TMEM232: variants seen among roughly 807,000 people sequenced by gnomAD.
TMEM232 encodes transmembrane protein 232.
Under a neutral mutation model 78.8 loss-of-function variants are expected in TMEM232, and 80 were observed. The ratio of observed to expected loss-of-function variants is 1.01; its 90% CI spans 0.85 to 1.22. The LOEUF (loss-of-function observed/expected upper bound fraction) is 1.22, where lower values mean the gene tolerates loss of function less well. Ranked by LOEUF, TMEM232 falls within the 50% of genes most tolerant of loss-of-function variation. The pLI, the probability that TMEM232 is intolerant of heterozygous loss-of-function variation, is 0.00. For synonymous variants in TMEM232, 297 were observed against 254.3 expected, an observed-to-expected ratio of 1.17 and a Z score of -1.60; for missense variants, 881 against 742.2, an observed-to-expected ratio of 1.19 and a Z score of -2.17.
chr5:110,701,019 T>C (rs995585272), intron 1 of TMEM232, among the ~76,000 whole-genome samples: 2 of 151,908 alleles, frequency 1.3e-5, no homozygotes, highest in African/African-American at 2.4e-5. Flanking sequence ...ATGAATACCA[T>C]TCTTTCCTTT....
intron 5 of TMEM232, among the ~76,000 whole-genome samples, chr5:110,630,460 G>A (rs1009091924): frequency 2.6e-5 from 4 of 152,170 alleles, no homozygotes; most frequent in Non-Finnish European, 5.9e-5. Flanking sequence ...ACATGTCGGG[G>A]GAGGGGCCCA....
At chr5:110,685,780 G>A (rs1317064857) in intron 1 of TMEM232, among the ~76,000 whole-genome samples, 1 of 152,070 alleles carries the variant, frequency 6.6e-6, no homozygotes, top group Non-Finnish European at 1.5e-5. Flanking sequence ...ACAATTTGTG[G>A]TATGTTTATA....
At chr5:110,441,725 AG>A (rs1295697630) in intron 12 of TMEM232, among the ~76,000 whole-genome samples, 2 of 152,206 alleles carry the variant, frequency 1.3e-5, no homozygotes, top group Non-Finnish European at 2.9e-5. Context: ...CAATGGAATG[AG>A]GATGGACTTT....
At chr5:110,496,078 T>C (rs1765608063) in intron 12 of TMEM232, among the ~76,000 whole-genome samples, 1 of 151,820 alleles carries the variant, frequency 6.6e-6, no homozygotes, top group Non-Finnish European at 1.5e-5. Context: ...AATCACAAAA[T>C]TATAATAAAA....
At chr5:110,576,945 T>C (rs1777639024) in intron 10 of TMEM232, among the ~76,000 whole-genome samples, 7 of 152,024 alleles carry the variant, frequency 4.6e-5, no homozygotes, top group Admixed American at 4.6e-4. Flanking sequence ...GGAGACAACC[T>C]AGGCAATACT....
intron 1 of TMEM232, among the ~76,000 whole-genome samples, chr5:110,677,914 T>C (rs1792230327): frequency 6.6e-6 from 1 of 152,206 alleles, no homozygotes; most frequent in Admixed American, 6.5e-5. Context: ...CGTTAGTTCA[T>C]GCAAAGAATA....
At chr5:110,543,864 A>G (rs1048016450) in intron 11 of TMEM232, among the ~76,000 whole-genome samples, 1 of 152,204 alleles carries the variant, frequency 6.6e-6, no homozygotes, top group African/African-American at 2.4e-5. Context: ...TTATACTTCT[A>G]GAGTCGTCTT....
At chr5:110,662,211 C>A in intron 2 of TMEM232, among the ~76,000 whole-genome samples, 1 of 151,990 alleles carries the variant, frequency 6.6e-6, no homozygotes, top group East Asian at 1.9e-4. Context: ...TTTTAGAAAT[C>A]TATATATGCA....
chr5:110,600,053 T>C (rs1173395119), intron 10 of TMEM232, among the ~76,000 whole-genome samples: 1 of 152,174 alleles, frequency 6.6e-6, no homozygotes, highest in East Asian at 1.9e-4. Context: ...AACCTGCTCC[T>C]GGATGACTAC....
chr5:110,552,726 C>T (rs2149620488), intron 11 of TMEM232, among the ~76,000 whole-genome samples: 1 of 152,182 alleles, frequency 6.6e-6, no homozygotes, highest in East Asian at 1.9e-4. Context: ...TTTAAATCTT[C>T]ATACACTTAA....
chr5:110,634,639 GT>G (rs1785564955), intron 5 of TMEM232, among the ~76,000 whole-genome samples: 1 of 151,484 alleles, frequency 6.6e-6, no homozygotes, highest in Non-Finnish European at 1.5e-5. Context: ...AAAAAAAAAA[GT>G]TTTGAAACAA....
chr5:110,590,946 C>T (rs1197272258), intron 10 of TMEM232, among the ~76,000 whole-genome samples: 4 of 152,000 alleles, frequency 2.6e-5, no homozygotes, highest in East Asian at 1.9e-4. Context: ...TGAGGGAAAC[C>T]GTCCTCATGA....
chr5:110,620,724 G>C (rs1313109168), intron 7 of TMEM232, among the ~76,000 whole-genome samples: 3 of 146,968 alleles, frequency 2.0e-5, no homozygotes, highest in African/African-American at 7.6e-5. Flanking sequence ...ATGTCTAATT[G>C]CAGATGTGCT....
At chr5:110,674,648 C>A (rs948526060) in intron 1 of TMEM232, among the ~76,000 whole-genome samples, 3 of 152,176 alleles carry the variant, frequency 2.0e-5, no homozygotes, top group Non-Finnish European at 4.4e-5. Flanking sequence ...TAGCCAATAG[C>A]ACTTTATATT....
intron 12 of TMEM232, among the ~76,000 whole-genome samples, chr5:110,526,566 G>A (rs2149521545): frequency 6.6e-6 from 1 of 152,004 alleles, no homozygotes; most frequent in East Asian, 1.9e-4. Flanking sequence ...CCTCCGTTGG[G>A]AAGACTAAAG....
chr5:110,422,519 CAAAAAAAAAAA>C (rs34448955), intron 13 of TMEM232, among the ~76,000 whole-genome samples: 12 of 34,548 alleles, frequency 3.5e-4, no homozygotes, highest in Admixed American at 7.9e-4. Context: ...GACTCTGTCT[CAAAAAAAAAAA>C]AAAAAAAAAA....
Position 110,493,382 on chromosome 5 carries a change from G to GAAA in TMEM232, c.1703+35203_1703+35205dup, listed in dbSNP as rs530425968. ...TACACGGGTCAATAGCCAAGACATT[G>GAAA]AAAAAAAAAAAAAGTAAAATTGTCT... On this transcript the variant is annotated intron_variant, in intron 12 of 13. Transcript: ENST00000455884. 1.9e-3 allele frequency among the ~76,000 whole-genome samples: 224 copies of GAAA among 119,310 alleles called. 2 individuals are homozygous for GAAA. Among genetic ancestry groups the GAAA allele is most frequent in the African/African-American group, 6.3e-3 (216 of 34,116 alleles). The allele number at this position is 119,310 out of a possible 152,430, so 78.3% of individuals were successfully genotyped here.
chr5:110,489,305 A>G (rs1764784685), intron 12 of TMEM232, among the ~76,000 whole-genome samples: 1 of 152,038 alleles, frequency 6.6e-6, no homozygotes, highest in African/African-American at 2.4e-5. Flanking sequence ...ACATATTAAA[A>G]GAATTATACA....
chr5:110,735,920 T>G (rs540495437), intron 1 of TMEM232, among the ~76,000 whole-genome samples: 9 of 152,286 alleles, frequency 5.9e-5, no homozygotes, highest in African/African-American at 1.9e-4. Context: ...ATGACTGCAT[T>G]CCAAGTAGAA....
Sources: allele counts gnomAD v4.1 joint callset (sites outside exome capture counted in the v4.1 genomes callset), GRCh38; gene constraint gnomAD v4.1.1; transcripts MANE v1.5; gene names NCBI Gene and HGNC (gene_info 2026-07-23, HGNC 2026-07-21).